ANO7: variants seen among roughly 807,000 people sequenced by gnomAD.
The protein encoded by ANO7 is anoctamin 7.
Under a neutral mutation model 115.8 loss-of-function variants are expected in ANO7, and 114 were observed. The ratio of observed to expected loss-of-function variants is 0.98; its 90% CI spans 0.85 to 1.15. The LOEUF (loss-of-function observed/expected upper bound fraction) is 1.15, where lower values mean the gene tolerates loss of function less well. Among genes scored for constraint, ANO7 ranks in the 50% most tolerant of loss-of-function variants. The pLI is 0.00. For synonymous variants in ANO7, 550 were observed against 498.2 expected (o/e 1.10, Z -1.38); for missense variants, 1,302 against 1,201.2 (o/e 1.08, Z -1.24).
chr2:241,238,972 G>C, the ANO7 span, among the ~76,000 whole-genome samples: 4 of 152,208 alleles, frequency 2.6e-5, no homozygotes, highest in Admixed American at 1.3e-4. This position sits in a 1 kb window ranked among gnomAD's most constrained non-coding sequence, Gnocchi z 4.9. Context: ...CAGGTCTAAG[G>C]GGGTGGGCCT....
intron 15 of ANO7, 60 bp downstream of exon 15, chr2:241,210,630 A>G (rs2068701078): frequency 1.4e-6 from 2 of 1,410,854 alleles, no homozygotes; most frequent in Non-Finnish European, 2.0e-6. Flanking sequence ...GCCGCCAGCC[A>G]GAACGTGACT....
chr2:241,225,926 G>A lies in ANO7; in HGVS notation c.*1773G>A, dbSNP rs1418157537. 6.6e-6 allele frequency among the ~76,000 whole-genome samples: 1 copy of A among 152,206 alleles called. No individual in the cohort carries two copies. Among genetic ancestry groups the A allele is most frequent in the African/African-American group, 2.4e-5 (1 of 41,444 alleles). ...CACAATGCTTACTACAAACCCACGT[G>A]TACTTCCTTCCAGCTGGTTGCTTTT... On this transcript the variant is annotated 3_prime_UTR_variant, in exon 25 of 25. Transcript: ENST00000674324.
intron 2 of ANO7, among the ~76,000 whole-genome samples, chr2:241,190,834 GC>G (rs2068182904): frequency 2.0e-5 from 3 of 152,190 alleles, no homozygotes; most frequent in Non-Finnish European, 4.4e-5. Flanking sequence ...GCTCCCCTCT[GC>G]CCCTGGAGGC....
chr2:241,227,975 T>TAA (rs758435491), downstream of ANO7: 1 of 152,236 alleles, frequency 6.6e-6, no homozygotes, highest in Non-Finnish European at 1.5e-5. Context: ...ACCATTCCTG[T>TAA]AAACAGGCCC....
At chr2:241,237,972 C>T in the ANO7 span, among the ~76,000 whole-genome samples, 19 of 152,348 alleles carry the variant, frequency 1.2e-4, no homozygotes, top group Middle Eastern at 3.4e-3. Flanking sequence ...ACACTATGTG[C>T]ACTCAGCAGG....
the ANO7 span, among the ~76,000 whole-genome samples, chr2:241,235,943 C>T: frequency 6.6e-6 from 1 of 152,070 alleles, no homozygotes; most frequent in Non-Finnish European, 1.5e-5. Flanking sequence ...AAGGGACTCT[C>T]GGACCACTAC....
intron 8 of ANO7, 32 bp downstream of exon 8, chr2:241,202,336 G>T (rs1234852553): frequency 3.1e-6 from 5 of 1,598,662 alleles, no homozygotes. Context: ...TCCAGCCTGG[G>T]TATGGGAGAT....
chr2:241,190,237 AC>A, intron 2 of ANO7, 66 bp downstream of exon 2: 1 of 1,384,060 alleles, frequency 7.2e-7, no homozygotes, highest in Non-Finnish European at 9.8e-7. Flanking sequence ...CTATGCCCCC[AC>A]CCTGGGCCCA....
chr2:241,212,360 G>A (rs890530410), intron 16 of ANO7, among the ~76,000 whole-genome samples, 155 bp downstream of exon 16: 23 of 152,198 alleles, frequency 1.5e-4, no homozygotes, highest in East Asian at 1.2e-3. Flanking sequence ...CATGCCTCCT[G>A]GCACCTCTGA....
chr2:241,209,210 G>T, intron 11 of ANO7, 75 bp from the exon 12 acceptor site: 1 of 1,467,412 alleles, frequency 6.8e-7, no homozygotes, highest in East Asian at 2.5e-5. Flanking sequence ...TCCCATTCCA[G>T]GAGGAAGGAA....
At chr2:241,239,696 C>G in the ANO7 span, 1 of 1,614,186 alleles carries the variant, frequency 6.2e-7, no homozygotes, top group Non-Finnish European at 8.5e-7. This position sits in a 1 kb window ranked among gnomAD's most constrained non-coding sequence, Gnocchi z 4.6. Flanking sequence ...TGTGCCAGAG[C>G]GTGGGAAGCT....
At position 241,218,349 on chromosome 2, in the gene ANO7, C is replaced by T; in HGVS notation, c.2289C>T (p.Ser763=). Reference sequence around the variant, plus strand: ...ACTTCACGCTGGCGCGAGCCCCGTCCTCCTTCGCCGCCGCGCACAACCGCA... The same window carrying T: ...ACTTCACGCTGGCGCGAGCCCCGTCTTCCTTCGCCGCCGCGCACAACCGCA... ...FLNFTLARAP[S]SFAAAHNRTC... is the part of the protein sequence containing the mutation. Residue 763 remains serine, a synonymous_variant, in exon 21 of 25, where the codon TCC becomes TCT. Transcript: ENST00000674324. 7.4e-6 allele frequency: 11 copies of T among 1,482,460 alleles called. No homozygotes were observed. The highest frequency in any genetic ancestry group is 9.8e-6 in the Non-Finnish European group (11 of 1,120,694). 91.8% of individuals were successfully genotyped at this position (1,482,460 alleles called of 1,614,324 possible).
At position 241,223,759 on chromosome 2, in the gene ANO7, A is replaced by G; in HGVS notation, c.2510A>G (p.Lys837Arg). The G allele has an allele frequency of 6.2e-7, 1 of 1,614,196 alleles. No individual in the cohort carries two copies. The highest frequency in any genetic ancestry group is 8.5e-7 in the Non-Finnish European group (1 of 1,180,022). ...IKVKREYYLA[K>R]QALAENEVLF... is the part of the protein sequence containing the mutation. Reference sequence around the variant, plus strand: ...GTGAAGCGGGAGTACTACCTGGCTAAGCAGGCACTGGCTGAGAATGAGGTG... The same window carrying G: ...GTGAAGCGGGAGTACTACCTGGCTAGGCAGGCACTGGCTGAGAATGAGGTG... The change falls in exon 23 of 25, where the codon AAG becomes AGG. Residue 837 changes from lysine (K) to arginine (R), a missense_variant. Transcript: ENST00000674324.
At chr2:241,217,620 G>T (rs1233984666) in intron 19 of ANO7, 66 bp from the exon 20 acceptor site, 2 of 1,515,156 alleles carry the variant, frequency 1.3e-6, no homozygotes, top group Non-Finnish European at 1.8e-6. Context: ...TCCTCCGCGG[G>T]GGGCGCGTTC....
intron 4 of ANO7, among the ~76,000 whole-genome samples, chr2:241,196,837 TCGTGTGTGTG>T (rs913236626): frequency 7.7e-6 from 1 of 129,060 alleles, no homozygotes; most frequent in Middle Eastern, 4.0e-3. Flanking sequence ...GTCAATTCAT[TCGTGTGTGTG>T]TGTGTGTGTG....
At chr2:241,233,238 G>C in the ANO7 span, among the ~76,000 whole-genome samples, 2 of 152,322 alleles carry the variant, frequency 1.3e-5, no homozygotes, top group African/African-American at 4.8e-5. The surrounding 1 kb of genome is among the most constrained non-coding windows in gnomAD (Gnocchi z 4.3). Context: ...GGGGGTGTTG[G>C]GTGAGGCTGC....
chr2:241,237,687 G>T, the ANO7 span, among the ~76,000 whole-genome samples: 2 of 151,888 alleles, frequency 1.3e-5, no homozygotes, highest in Non-Finnish European at 2.9e-5. Context: ...TACCCACCAT[G>T]AATAAAGGGA....
downstream of ANO7, chr2:241,229,586 T>C (rs776522556): frequency 1.3e-5 from 21 of 1,600,396 alleles, no homozygotes; most frequent in Admixed American, 3.5e-4. Context: ...GAGAGGGTTC[T>C]GTTCTTTTTG....
intron 4 of ANO7, chr2:241,196,079 C>T (rs992640804): frequency 3.5e-6 from 5 of 1,414,338 alleles, no homozygotes; most frequent in African/African-American, 1.4e-5. Context: ...TCATGGAAGT[C>T]GGAGCCCTCA....
Sources: gnomAD v4.1 joint callset for allele counts (sites outside exome capture counted in the v4.1 genomes callset) on GRCh38, gnomAD v4.1.1 for gene constraint, Gnocchi (gnomAD v3.1) non-coding constraint, MANE v1.5 for transcripts, NCBI Gene and HGNC (gene_info 2026-07-23, HGNC 2026-07-21) for gene names.